The following CDK5RAP2 variants were observed in gnomAD, a reference collection of about 807,000 sequenced individuals.
CDK5RAP2 encodes the protein CDK5 regulatory subunit-associated protein 2.
CDK5RAP2 carries 147 observed loss-of-function variants against 232.9 expected under a neutral mutation model. The observed-to-expected ratio is 0.63, with a 90% CI of 0.55 to 0.72. CDK5RAP2 has a LOEUF of 0.72. Among genes scored for constraint, CDK5RAP2 ranks in the 30% least tolerant of loss-of-function variants. The probability of loss-of-function intolerance (pLI) is 0.00; values close to 1 mark genes in which losing one functional copy is unlikely to be tolerated. For synonymous variants in CDK5RAP2, 833 were observed against 833.7 expected (o/e 1.00, Z 0.01); for missense variants, 2,195 against 2,231.5 (o/e 0.98, Z 0.33).
chr9:120,461,467 G>A (rs887973535), intron 18 of CDK5RAP2, among the ~76,000 whole-genome samples: 4 of 152,216 alleles, frequency 2.6e-5, no homozygotes, highest in Non-Finnish European at 5.9e-5. Context: ...AATTAAAAAT[G>A]AGAGAAAAGG....
intron 12 of CDK5RAP2, among the ~76,000 whole-genome samples, chr9:120,511,486 T>C (rs1298880992): frequency 1.3e-5 from 2 of 152,228 alleles, no homozygotes; most frequent in East Asian, 3.8e-4. Flanking sequence ...CCATGCAGAA[T>C]TGCTTTTGTT....
In CDK5RAP2 at chr9:120,403,142, G is replaced by A; in HGVS notation, c.5042-71C>T. 5 of 1,540,652 alleles carry A rather than the reference G, an allele frequency of 3.2e-6. No individual in the cohort carries two copies. Among genetic ancestry groups the A allele is most frequent in the Non-Finnish European group, 4.5e-6 (5 of 1,115,988 alleles). ...CTGCGTTCAAGACGCTTATGATGTT[G>A]AAGCTAGCTAGGAGGGCTAGAAGAG... On this transcript the variant is annotated intron_variant, in intron 33 of 37. Coordinates refer to ENST00000349780, the MANE Select transcript of CDK5RAP2 (RefSeq NM_018249.6). The surrounding 1 kb of genome is among the most constrained non-coding windows in gnomAD (Gnocchi z 4.2).
intron 6 of CDK5RAP2, 133 bp from the exon 7 acceptor site, chr9:120,536,659 C>T (rs1375821181): frequency 1.1e-6 from 1 of 873,094 alleles, no homozygotes; most frequent in East Asian, 2.6e-5. Context: ...TTGTACTATA[C>T]ATGGAGAGAA....
chr9:120,400,173 G>A (rs919388182), intron 35 of CDK5RAP2, among the ~76,000 whole-genome samples: 30 of 152,128 alleles, frequency 2.0e-4, no homozygotes, highest in African/African-American at 7.2e-4. Context: ...GACACCACAT[G>A]CATCCCACAC....
chr9:120,471,664 C>A, intron 16 of CDK5RAP2, 84 bp downstream of exon 16: 1 of 1,593,292 alleles, frequency 6.3e-7, no homozygotes, highest in Non-Finnish European at 8.6e-7. Context: ...CATCCCTTAA[C>A]AAATATTTAG....
chr9:120,506,447 GAT>G (rs2039816515), intron 12 of CDK5RAP2, among the ~76,000 whole-genome samples: 1 of 152,320 alleles, frequency 6.6e-6, no homozygotes, highest in South Asian at 2.1e-4. Flanking sequence ...GCAACCCACA[GAT>G]CAAGGAGTAA....
At chr9:120,501,946 G>A (rs1467701845) in intron 12 of CDK5RAP2, among the ~76,000 whole-genome samples, 2 of 152,180 alleles carry the variant, frequency 1.3e-5, no homozygotes, top group Non-Finnish European at 2.9e-5. Context: ...GGAATGAGAT[G>A]GATGGGACTG....
intron 19 of CDK5RAP2, among the ~76,000 whole-genome samples, chr9:120,460,029 C>T (rs948363732): frequency 2.7e-4 from 41 of 152,218 alleles, no homozygotes; most frequent in Middle Eastern, 3.4e-3. Flanking sequence ...TCTATGTGTA[C>T]GGGGGTGAGA....
chr9:120,565,340 G>C lies in CDK5RAP2; in HGVS notation c.195+2981C>G, dbSNP rs187928053. On this transcript the variant is annotated intron_variant, in intron 3 of 37. Transcript: ENST00000349780. ...CTCCCTTTGGGCCCACAACACCACA[G>C]CAGCCTTTTAACTCATCACCTTACC... Among the ~76,000 whole-genome samples the C allele has an allele frequency of 2.0e-5, 3 of 152,202 alleles. No homozygotes were observed. The East Asian group carries it at 5.8e-4, about 29-fold the overall frequency.
intron 21 of CDK5RAP2, 54 bp downstream of exon 21, chr9:120,453,402 A>C: frequency 6.6e-7 from 1 of 1,513,226 alleles, no homozygotes; most frequent in Non-Finnish European, 9.0e-7. Flanking sequence ...GGTGATTTTT[A>C]AAGTTTTTTG....
intron 2 of CDK5RAP2, 110 bp from the exon 3 acceptor site, chr9:120,568,498 A>G (rs1019039563): frequency 1.8e-5 from 15 of 817,458 alleles, no homozygotes; most frequent in Non-Finnish European, 2.4e-5. Flanking sequence ...TCCACAGTAC[A>G]CGCGGCTGGT....
At chr9:120,505,194 G>A (rs1055059934) in intron 12 of CDK5RAP2, among the ~76,000 whole-genome samples, 2 of 151,982 alleles carry the variant, frequency 1.3e-5, no homozygotes, top group East Asian at 1.9e-4. Context: ...TGTTCATTTC[G>A]TGTCTCTGTG....
chr9:120,408,863 T>G (rs1329888305), intron 30 of CDK5RAP2, among the ~76,000 whole-genome samples: 1 of 152,270 alleles, frequency 6.6e-6, no homozygotes, highest in Non-Finnish European at 1.5e-5. Flanking sequence ...CTCACTGCAT[T>G]CAGCTCTCTG....
chr9:120,540,510 TAA>T (rs532385691), intron 5 of CDK5RAP2, among the ~76,000 whole-genome samples: 73 of 152,248 alleles, frequency 4.8e-4, no homozygotes, highest in African/African-American at 1.5e-3. Context: ...CGCCTGAAAA[TAA>T]AGACTTTATT....
At chr9:120,508,986 G>A (rs1480230142) in intron 12 of CDK5RAP2, among the ~76,000 whole-genome samples, 1 of 152,186 alleles carries the variant, frequency 6.6e-6, no homozygotes, top group African/African-American at 2.4e-5. Flanking sequence ...TGACATAAGG[G>A]AAAGTCTCCC....
intron 22 of CDK5RAP2, among the ~76,000 whole-genome samples, chr9:120,444,999 T>A (rs1229131383): frequency 1.3e-5 from 2 of 152,208 alleles, no homozygotes; most frequent in Non-Finnish European, 2.9e-5. Flanking sequence ...CAGAGTCATC[T>A]CCAATCCCTG....
intron 12 of CDK5RAP2, among the ~76,000 whole-genome samples, chr9:120,499,245 G>A (rs950831643): frequency 1.3e-5 from 2 of 152,182 alleles, no homozygotes; most frequent in African/African-American, 4.8e-5. Context: ...GTGTTGAAAA[G>A]GAGGGAGTGA....
intron 23 of CDK5RAP2, 151 bp downstream of exon 23, chr9:120,443,469 C>A (rs1371387155): frequency 1.1e-5 from 11 of 973,242 alleles, no homozygotes; most frequent in Non-Finnish European, 1.6e-5. Context: ...TCAATTATTT[C>A]TTAAAACCTC....
In CDK5RAP2 at chr9:120,475,392, G is replaced by C. The variant is rs1316693196; in HGVS notation, c.1727+1958C>G. Among the ~76,000 whole-genome samples, 8 of 152,280 alleles carry C rather than the reference G, an allele frequency of 5.3e-5. No individual in the cohort carries two copies. In the East Asian group the frequency reaches 1.2e-3, roughly 22 times the overall value. ...TCCCATCCAAGTTTTCATTCATTAA[G>C]AAAGAGCCTGTGAAACTTGGGAGCC... On this transcript the variant is annotated intron_variant, in intron 15 of 37. Coordinates refer to ENST00000349780, the MANE Select transcript of CDK5RAP2 (RefSeq NM_018249.6).
Sources: gnomAD v4.1 joint callset for allele counts (sites outside exome capture counted in the v4.1 genomes callset) on GRCh38, gnomAD v4.1.1 for gene constraint, Gnocchi (gnomAD v3.1) non-coding constraint, MANE v1.5 for transcripts, NCBI Gene and HGNC (gene_info 2026-07-23, HGNC 2026-07-21) for gene names.